The following GALNT17 variants were observed in gnomAD, a reference collection of about 807,000 sequenced individuals.
GALNT17 encodes UDP-GalNAc:polypeptide N-acetylgalactosaminyltransferase-like 3.
In GALNT17, 29 loss-of-function variants were observed where a neutral mutation model predicts 63.7. The ratio of observed to expected loss-of-function variants is 0.46; its 90% CI spans 0.34 to 0.62. GALNT17 has a LOEUF of 0.62. Among genes scored for constraint, GALNT17 ranks in the 20% least tolerant of loss-of-function variants. The pLI is 0.01. For missense variants in GALNT17, 603 were observed against 799.6 expected, an observed-to-expected ratio of 0.75 and a Z score of 2.97; for synonymous variants, 305 against 318.3, an observed-to-expected ratio of 0.96 and a Z score of 0.45.
At chr7:71,455,317 CAGTT>C (rs1315810621) in intron 5 of GALNT17, among the ~76,000 whole-genome samples, 3 of 151,946 alleles carry the variant, frequency 2.0e-5, no homozygotes, top group Non-Finnish European at 2.9e-5. Flanking sequence ...AGCTTAATGG[CAGTT>C]AGGGAGGGGG....
intron 3 of GALNT17, among the ~76,000 whole-genome samples, chr7:71,402,507 G>A (rs1306030066): frequency 6.6e-6 from 1 of 152,216 alleles, no homozygotes; most frequent in African/African-American, 2.4e-5. Flanking sequence ...ATTTTGGCTT[G>A]AATGCTACAG....
chr7:71,696,184 T>C (rs1791540424), intron 9 of GALNT17, among the ~76,000 whole-genome samples: 1 of 152,146 alleles, frequency 6.6e-6, no homozygotes, highest in African/African-American at 2.4e-5. Context: ...GCAGTCATAG[T>C]TCACTGCAGC....
intron 2 of GALNT17, among the ~76,000 whole-genome samples, chr7:71,344,076 G>C (rs1583876493): frequency 6.6e-6 from 1 of 151,486 alleles, no homozygotes; most frequent in South Asian, 2.1e-4. Flanking sequence ...AGAGGCTGGT[G>C]GCTATTTATA....
intron 1 of GALNT17, among the ~76,000 whole-genome samples, chr7:71,172,037 A>T (rs1246416998): frequency 6.6e-6 from 1 of 152,128 alleles, no homozygotes; most frequent in Admixed American, 6.6e-5. Flanking sequence ...GTAATGTGAG[A>T]GGGATTTTAT....
At chr7:71,649,937 G>C (rs1288066480) in intron 6 of GALNT17, among the ~76,000 whole-genome samples, 1 of 152,156 alleles carries the variant, frequency 6.6e-6, no homozygotes, top group Non-Finnish European at 1.5e-5. Flanking sequence ...TCTTTCCAAG[G>C]GGTATCTCAG....
At chr7:71,283,246 T>A (rs947424360) in intron 1 of GALNT17, among the ~76,000 whole-genome samples, 3 of 151,982 alleles carry the variant, frequency 2.0e-5, no homozygotes, top group Non-Finnish European at 4.4e-5. Context: ...TGTACACCTT[T>A]CCCAGGTTCT....
At chr7:71,335,838 G>A in intron 2 of GALNT17, 105 bp downstream of exon 2, 1 of 1,047,532 alleles carries the variant, frequency 9.5e-7, no homozygotes, top group Non-Finnish European at 1.3e-6. Flanking sequence ...TCTTGGGGGA[G>A]TTTTTATTTT....
chr7:71,638,604 G>C (rs1203889461), intron 6 of GALNT17, among the ~76,000 whole-genome samples: 1 of 152,214 alleles, frequency 6.6e-6, no homozygotes, highest in Non-Finnish European at 1.5e-5. Flanking sequence ...AGGTTAGAAT[G>C]GACGGAGAAG....
intron 5 of GALNT17, among the ~76,000 whole-genome samples, chr7:71,470,268 G>A (rs1270764204): frequency 6.6e-6 from 1 of 152,112 alleles, no homozygotes; most frequent in African/African-American, 2.4e-5. Flanking sequence ...GAAATTAACA[G>A]CAATGATACA....
intron 6 of GALNT17, among the ~76,000 whole-genome samples, chr7:71,634,762 A>G (rs1044502270): frequency 5.3e-5 from 8 of 151,412 alleles, no homozygotes; most frequent in Admixed American, 1.3e-4. Flanking sequence ...TCAAAAAAAA[A>G]AAAAAAGAAA....
At chr7:71,655,209 C>T (rs2117029384) in intron 6 of GALNT17, among the ~76,000 whole-genome samples, 1 of 151,810 alleles carries the variant, frequency 6.6e-6, no homozygotes, top group South Asian at 2.1e-4. Flanking sequence ...GAGCTACAGT[C>T]ATGCCACTGC....
In GALNT17 at chr7:71,577,978, G is replaced by C. The variant is rs191052236; in HGVS notation, c.1080+6576G>C. Among the ~76,000 whole-genome samples, 27 of 152,078 alleles carry C rather than the reference G, an allele frequency of 1.8e-4. No homozygotes were observed. In the East Asian group the frequency reaches 3.3e-3, roughly 19 times the overall value. Reference sequence around the variant, plus strand: ...ATCACATCAGCAGTGGGTTTTGAAGGCTTGCTCCTTCGGAGGGGTTGTTTA... The same window carrying C: ...ATCACATCAGCAGTGGGTTTTGAAGCCTTGCTCCTTCGGAGGGGTTGTTTA... On this transcript the variant is annotated intron_variant, in intron 6 of 10. Coordinates refer to ENST00000333538, the MANE Select transcript of GALNT17 (RefSeq NM_022479.3).
intron 9 of GALNT17, among the ~76,000 whole-genome samples, chr7:71,694,634 G>A (rs895455677): frequency 2.0e-5 from 3 of 152,162 alleles, no homozygotes; most frequent in Admixed American, 2.0e-4. Context: ...GACCTCAAGT[G>A]ATTCGCCCGC....
At chr7:71,251,071 A>G (rs566567216) in intron 1 of GALNT17, among the ~76,000 whole-genome samples, 1 of 152,170 alleles carries the variant, frequency 6.6e-6, no homozygotes, top group Non-Finnish European at 1.5e-5. Context: ...CACAACGTGC[A>G]GGTTTGTACA....
At chr7:71,528,481 C>A (rs754028811) in intron 5 of GALNT17, among the ~76,000 whole-genome samples, 1 of 152,214 alleles carries the variant, frequency 6.6e-6, no homozygotes, top group Non-Finnish European at 1.5e-5. Context: ...AGGCTACAGA[C>A]AACATCTTGA....
intron 9 of GALNT17, among the ~76,000 whole-genome samples, chr7:71,692,112 T>C (rs58753580): frequency 0.08 from 12,124 of 152,064 alleles, 1,283 homozygotes; most frequent in East Asian, 0.55. Flanking sequence ...GGTCTCGCTA[T>C]GTTGCCTTGC....
At chr7:71,302,074 A>T (rs1313707970) in intron 1 of GALNT17, among the ~76,000 whole-genome samples, 1 of 152,198 alleles carries the variant, frequency 6.6e-6, no homozygotes, top group Non-Finnish European at 1.5e-5. Context: ...GGGAGCCATT[A>T]TCCTCACCAT....
At chr7:71,696,279 G>T (rs945488577) in intron 9 of GALNT17, among the ~76,000 whole-genome samples, 33 of 151,042 alleles carry the variant, frequency 2.2e-4, no homozygotes, top group African/African-American at 7.8e-4. Flanking sequence ...TGCCCAGCTA[G>T]TTTATTTTAT....
chr7:71,286,510 C>G (rs555854843), intron 1 of GALNT17, among the ~76,000 whole-genome samples: 1 of 152,276 alleles, frequency 6.6e-6, no homozygotes, highest in South Asian at 2.1e-4. Context: ...GTATTATTCC[C>G]GTTCGCAAAT....
Sources: gnomAD v4.1 joint callset for allele counts (sites outside exome capture counted in the v4.1 genomes callset) on GRCh38, gnomAD v4.1.1 for gene constraint, MANE v1.5 for transcripts, NCBI Gene and HGNC (gene_info 2026-07-23, HGNC 2026-07-21) for gene names.